EPHA3: variants seen among roughly 807,000 people sequenced by gnomAD.
EPHA3 encodes the protein ephrin type-A receptor 3.
A neutral mutation model predicts 107.1 loss-of-function variants in EPHA3; 42 were observed. The ratio of observed to expected loss-of-function variants is 0.39; its 90% CI spans 0.31 to 0.51. The LOEUF (loss-of-function observed/expected upper bound fraction) is 0.51, where lower values mean the gene tolerates loss of function less well. Among genes scored for constraint, EPHA3 ranks in the 20% least tolerant of loss-of-function variants. EPHA3 has a pLI of 0.78. For synonymous variants in EPHA3, 461 were observed against 424.8 expected (o/e 1.09, Z -1.05); for missense variants, 1,183 against 1,211.2 (o/e 0.98, Z 0.35).
rs570340295 is a variant in EPHA3 at position 89,352,747 on chromosome 3, A to G, written c.1306+10657A>G. On this transcript the variant is annotated intron_variant, in intron 5 of 16. Coordinates refer to ENST00000336596, the MANE Select transcript of EPHA3 (RefSeq NM_005233.6). ...GGTGAAACCCTGTCTCTACAAAAATACAAAAATTAGCCAGGCATGATGGCA... is the reference window on the plus strand; with the variant it reads ...GGTGAAACCCTGTCTCTACAAAAATGCAAAAATTAGCCAGGCATGATGGCA... 2.0e-5 allele frequency among the ~76,000 whole-genome samples: 3 copies of G among 150,450 alleles called. No homozygotes were observed. In the East Asian group the frequency reaches 5.8e-4, roughly 29 times the overall value.
At chr3:89,368,707 A>G (rs1352433510) in intron 5 of EPHA3, among the ~76,000 whole-genome samples, 1 of 150,338 alleles carries the variant, frequency 6.7e-6, no homozygotes, top group Non-Finnish European at 1.5e-5. Flanking sequence ...TAGGCCTTCA[A>G]TGGGTTGGAT....
At chr3:89,262,583 A>G (rs1418657679) in intron 3 of EPHA3, among the ~76,000 whole-genome samples, 1 of 152,214 alleles carries the variant, frequency 6.6e-6, no homozygotes, top group African/African-American at 2.4e-5. Flanking sequence ...TCTTAATGTA[A>G]CTAATTATAT....
intron 5 of EPHA3, among the ~76,000 whole-genome samples, chr3:89,385,097 T>G (rs1046545137): frequency 3.3e-5 from 5 of 152,222 alleles, no homozygotes; most frequent in Admixed American, 6.5e-5. Context: ...AGTCACAGTA[T>G]TTTATGATAG....
chr3:89,348,269 A>G (rs1394752713), intron 5 of EPHA3, among the ~76,000 whole-genome samples: 22 of 138,220 alleles, frequency 1.6e-4, no homozygotes, highest in African/African-American at 5.7e-4. Context: ...TTGGTAAACT[A>G]TTGATTATTG....
At chr3:89,112,415 C>G (rs1707131304) in intron 1 of EPHA3, among the ~76,000 whole-genome samples, 1 of 151,760 alleles carries the variant, frequency 6.6e-6, no homozygotes, top group Non-Finnish European at 1.5e-5. Flanking sequence ...TATGTATTGC[C>G]TACATTTAAC....
intron 5 of EPHA3, among the ~76,000 whole-genome samples, chr3:89,354,322 A>G (rs1707898930): frequency 6.6e-6 from 1 of 151,284 alleles, no homozygotes; most frequent in Non-Finnish European, 1.5e-5. Flanking sequence ...CCAAAAGCAG[A>G]TATATTACTA....
chr3:89,370,718 A>G (rs953838123), intron 5 of EPHA3, among the ~76,000 whole-genome samples: 2 of 151,740 alleles, frequency 1.3e-5, no homozygotes, highest in African/African-American at 4.8e-5. Flanking sequence ...AAAATAAAAT[A>G]AAAAAAGAAG....
intron 2 of EPHA3, among the ~76,000 whole-genome samples, chr3:89,197,827 A>G (rs1273874468): frequency 3.3e-5 from 5 of 151,990 alleles, no homozygotes; most frequent in African/African-American, 1.2e-4. Context: ...AATTACAAAG[A>G]TTAGCCTGGT....
intron 2 of EPHA3, among the ~76,000 whole-genome samples, chr3:89,172,129 T>G (rs1705225642): frequency 6.6e-6 from 1 of 152,180 alleles, no homozygotes; most frequent in South Asian, 2.1e-4. Context: ...AGAAGGTTAT[T>G]AGCATATTGT....
chr3:89,296,843 C>T (rs1706366123), intron 3 of EPHA3, among the ~76,000 whole-genome samples: 1 of 152,176 alleles, frequency 6.6e-6, no homozygotes, highest in Non-Finnish European at 1.5e-5. Flanking sequence ...TATCAATTAT[C>T]TTAGCTAGAT....
At chr3:89,418,017 C>T (rs997568596) in intron 10 of EPHA3, among the ~76,000 whole-genome samples, 1 of 151,172 alleles carries the variant, frequency 6.6e-6, no homozygotes, top group African/African-American at 2.4e-5. Context: ...AATAGGACAA[C>T]CTGCTACTTT....
At position 89,363,956 on chromosome 3, in the gene EPHA3, C is replaced by T. The variant is rs74563965; in HGVS notation, c.1306+21866C>T. Among the ~76,000 whole-genome samples, 687 of 150,820 alleles carry T rather than the reference C, an allele frequency of 4.6e-3. 19 individuals are homozygous for T. Among genetic ancestry groups the T allele is most frequent in the Middle Eastern group, 0.017 (5 of 294 alleles). On this transcript the variant is annotated intron_variant, in intron 5 of 16. Transcript: ENST00000336596. ...AAATATATTCAGTTTGAAAATCTCA[C>T]TTGGATGACCACTTATCAATAGCAA...
At chr3:89,243,997 A>G (rs1324756829) in intron 3 of EPHA3, among the ~76,000 whole-genome samples, 1 of 152,112 alleles carries the variant, frequency 6.6e-6, no homozygotes. Context: ...CTCCCCTATT[A>G]CTTCTGACAA....
intron 16 of EPHA3, among the ~76,000 whole-genome samples, chr3:89,476,171 G>T (rs1173717213): frequency 6.9e-6 from 1 of 145,040 alleles, no homozygotes; most frequent in Admixed American, 6.9e-5. Flanking sequence ...ATATATTGTA[G>T]ATAACATATA....
At chr3:89,128,872 G>T (rs1366583532) in intron 2 of EPHA3, among the ~76,000 whole-genome samples, 1 of 151,976 alleles carries the variant, frequency 6.6e-6, no homozygotes, top group African/African-American at 2.4e-5. Context: ...TGGGGGAAAT[G>T]AATTCCCCCA....
chr3:89,471,340 A>T (rs928645979), intron 15 of EPHA3, among the ~76,000 whole-genome samples: 11 of 152,044 alleles, frequency 7.2e-5, no homozygotes, highest in African/African-American at 1.7e-4. Context: ...GTATTTATAT[A>T]AAAAAATCCT....
At chr3:89,295,970 T>A (rs915154326) in intron 3 of EPHA3, among the ~76,000 whole-genome samples, 1 of 152,168 alleles carries the variant, frequency 6.6e-6, no homozygotes, top group Non-Finnish European at 1.5e-5. Flanking sequence ...TCTTTGCTCA[T>A]CCATAAGAAG....
At chr3:89,469,449 C>G (rs1243534142) in intron 15 of EPHA3, among the ~76,000 whole-genome samples, 4 of 152,186 alleles carry the variant, frequency 2.6e-5, no homozygotes, top group African/African-American at 9.6e-5. Context: ...TCACAAACTT[C>G]TCATATGTTC....
intron 5 of EPHA3, among the ~76,000 whole-genome samples, chr3:89,394,933 T>C (rs1215022482): frequency 6.6e-6 from 1 of 152,192 alleles, no homozygotes; most frequent in Non-Finnish European, 1.5e-5. Context: ...AGATTGAGAT[T>C]TGAAAGCAGA....
Sources: gnomAD v4.1 joint callset for allele counts (sites outside exome capture counted in the v4.1 genomes callset) on GRCh38, gnomAD v4.1.1 for gene constraint, MANE v1.5 for transcripts, NCBI Gene and HGNC (gene_info 2026-07-23, HGNC 2026-07-21) for gene names.